Variants in TGFA observed in about 807,000 individuals in gnomAD.
The protein encoded by TGFA is transforming growth factor alpha.
TGFA carries 12 observed loss-of-function variants against 21.7 expected under a neutral mutation model. The observed-to-expected ratio is 0.55, with a 90% CI of 0.35 to 0.90. The LOEUF is 0.90. Ranked by LOEUF, TGFA falls within the 40% of genes least tolerant of loss-of-function variation. The pLI is 0.01. For synonymous variants in TGFA, 79 were observed against 88.1 expected (o/e 0.90, Z 0.58); for missense variants, 178 against 210.8 (o/e 0.84, Z 0.96).
chr2:70,549,871 T>A (rs991965504), intron 1 of TGFA, among the ~76,000 whole-genome samples: 1 of 152,140 alleles, frequency 6.6e-6, no homozygotes, highest in African/African-American at 2.4e-5. Flanking sequence ...GAACCCAAAA[T>A]CTGGAAAAGC....
intron 1 of TGFA, among the ~76,000 whole-genome samples, chr2:70,533,728 G>C (rs1445712309): frequency 6.6e-6 from 1 of 152,148 alleles, no homozygotes; most frequent in Non-Finnish European, 1.5e-5. Flanking sequence ...CGAGGAGAAG[G>C]GGTGGGCCCT....
At chr2:70,553,665 G>T in intron 1 of TGFA, 63 bp downstream of exon 1, 1 of 1,329,916 alleles carries the variant, frequency 7.5e-7, no homozygotes, top group East Asian at 3.0e-5. Context: ...AGGGGAACTC[G>T]GCGGGGACCG....
At chr2:70,507,170 T>G (rs1374009617) in intron 2 of TGFA, among the ~76,000 whole-genome samples, 2 of 152,226 alleles carry the variant, frequency 1.3e-5, no homozygotes, top group African/African-American at 4.8e-5. Flanking sequence ...TGCCTGAGCC[T>G]CGGAGCCTCG....
At chr2:70,470,052 GGA>G (rs1161079976) in intron 2 of TGFA, among the ~76,000 whole-genome samples, 4 of 144,000 alleles carry the variant, frequency 2.8e-5, no homozygotes, top group African/African-American at 9.8e-5. Context: ...ACAGCGAGAA[GGA>G]GAGAGACGGG....
intron 4 of TGFA, among the ~76,000 whole-genome samples, chr2:70,455,085 C>T (rs1670182615): frequency 6.6e-6 from 1 of 152,216 alleles, no homozygotes; most frequent in Non-Finnish European, 1.5e-5. Context: ...CCAGTCTGAA[C>T]CAGAGCTACT....
chr2:70,467,708 C>T (rs182117913), intron 2 of TGFA: 67 of 152,220 alleles, frequency 4.4e-4, no homozygotes, highest in African/African-American at 1.5e-3. Context: ...TGAGAAAGGA[C>T]AGAACATTTA....
At chr2:70,504,461 T>TATATATAG (rs1490288034) in intron 2 of TGFA, among the ~76,000 whole-genome samples, 1 of 65,168 alleles carries the variant, frequency 1.5e-5, no homozygotes. Flanking sequence ...TATATATATA[T>TATATATAG]ATACACACAT....
intron 1 of TGFA, among the ~76,000 whole-genome samples, chr2:70,524,606 C>T (rs1553502742): frequency 1.3e-5 from 2 of 152,232 alleles, no homozygotes; most frequent in African/African-American, 4.8e-5. Flanking sequence ...AGCTGAGGCA[C>T]TCTGAAAACC....
intron 1 of TGFA, among the ~76,000 whole-genome samples, chr2:70,549,652 C>T (rs1437647271): frequency 1.3e-5 from 2 of 152,234 alleles, no homozygotes; most frequent in Non-Finnish European, 2.9e-5. Flanking sequence ...ACCTCCTCTT[C>T]CCGTTGCCCA....
chr2:70,533,066 C>A (rs1480315567), intron 1 of TGFA, among the ~76,000 whole-genome samples: 1 of 151,842 alleles, frequency 6.6e-6, no homozygotes, highest in East Asian at 1.9e-4. Flanking sequence ...CAGGGTTTCA[C>A]CATATTGCCT....
rs1670505563 is a variant in TGFA at position 70,464,920 on chromosome 2, T to A, written c.215+696A>T. Among the ~76,000 whole-genome samples, 4 of 152,200 alleles carry A rather than the reference T, an allele frequency of 2.6e-5. No homozygotes were observed. In the South Asian group the frequency reaches 8.3e-4, roughly 32 times the overall value. On this transcript the variant is annotated intron_variant, in intron 3 of 5. Coordinates refer to ENST00000295400, the MANE Select transcript of TGFA (RefSeq NM_003236.4). ...CCCTAACACCTGCTCTGGGAAGCTT[T>A]CTTCGAGTGAATTTCTTCCCCAACC...
chr2:70,504,737 GAA>G (rs1553499890), intron 2 of TGFA, among the ~76,000 whole-genome samples: 1 of 151,940 alleles, frequency 6.6e-6, no homozygotes, highest in South Asian at 2.1e-4. Context: ...GGAAGGGGAA[GAA>G]AAAGAGTCAC....
chr2:70,519,177 C>T (rs1329221440), intron 1 of TGFA, among the ~76,000 whole-genome samples: 2 of 152,100 alleles, frequency 1.3e-5, no homozygotes, highest in Admixed American at 1.3e-4. Context: ...TTCCCCCTTC[C>T]TCCCCTACCA....
intron 4 of TGFA, among the ~76,000 whole-genome samples, chr2:70,455,720 C>T (rs1325851833): frequency 2.6e-5 from 4 of 152,124 alleles, no homozygotes; most frequent in African/African-American, 9.7e-5. Flanking sequence ...GGTCTCTGAC[C>T]CTGCACAGCA....
At chr2:70,503,638 C>T (rs1243251233) in intron 2 of TGFA, among the ~76,000 whole-genome samples, 1 of 151,496 alleles carries the variant, frequency 6.6e-6, no homozygotes, top group Non-Finnish European at 1.5e-5. Context: ...CACAGTTAAG[C>T]TTTAAATCTA....
chr2:70,453,623 G>T (rs1266329661), intron 4 of TGFA, among the ~76,000 whole-genome samples: 1 of 152,198 alleles, frequency 6.6e-6, no homozygotes, highest in Non-Finnish European at 1.5e-5. Flanking sequence ...AGAGAGAACT[G>T]GTCCTCCACT....
intron 2 of TGFA, among the ~76,000 whole-genome samples, chr2:70,487,489 T>C (rs1671303017): frequency 6.6e-6 from 1 of 152,214 alleles, no homozygotes; most frequent in South Asian, 2.1e-4. Flanking sequence ...TTGAAGGTAA[T>C]TTTATATAAT....
At chr2:70,518,432 T>C (rs1672353168) in intron 1 of TGFA, among the ~76,000 whole-genome samples, 1 of 152,208 alleles carries the variant, frequency 6.6e-6, no homozygotes, top group Non-Finnish European at 1.5e-5. Flanking sequence ...GTTGCCATGC[T>C]TATCGTTCAG....
At chr2:70,510,635 T>A (rs1672067735) in intron 2 of TGFA, among the ~76,000 whole-genome samples, 1 of 152,150 alleles carries the variant, frequency 6.6e-6, no homozygotes, top group Non-Finnish European at 1.5e-5. Context: ...ACCTCCAGCC[T>A]CAGTCACCAC....
Sources: gnomAD v4.1 joint callset for allele counts (sites outside exome capture counted in the v4.1 genomes callset) on GRCh38, gnomAD v4.1.1 for gene constraint, MANE v1.5 for transcripts, NCBI Gene and HGNC (gene_info 2026-07-23, HGNC 2026-07-21) for gene names.